Variants in ZNF562 observed in about 807,000 individuals in gnomAD.
ZNF562 encodes the protein zinc finger protein 562.
Under a neutral mutation model 17.5 loss-of-function variants are expected in ZNF562, and 13 were observed. That is an observed-to-expected ratio of 0.74 (90% CI 0.48 to 1.18). The LOEUF (loss-of-function observed/expected upper bound fraction) is 1.18, where lower values mean the gene tolerates loss of function less well. ZNF562 is among the 50% of genes most tolerant of loss of function. The probability of loss-of-function intolerance (pLI) is 0.00; values close to 1 mark genes in which losing one functional copy is unlikely to be tolerated. For synonymous variants in ZNF562, 163 were observed against 165.4 expected, an observed-to-expected ratio of 0.99 and a Z score of 0.11; for missense variants, 481 against 498.5, an observed-to-expected ratio of 0.96 and a Z score of 0.33.
rs984372456 is a variant in ZNF562, at chr19:9,651,036, G to A, written c.*1913C>T. 1 of 150,390 alleles carries A rather than the reference G, an allele frequency of 6.6e-6. No homozygotes were observed. The highest frequency in any genetic ancestry group is 2.5e-5 in the African/African-American group (1 of 40,688). The allele number at this position is 150,390 out of a possible 1,614,324, so 9.3% of individuals were successfully genotyped here. A position where few individuals can be genotyped will look rare whatever the true frequency, so the allele number is the denominator to read the frequency against. ...AATTAAATTAATTTCTAAGCCATTT[G>A]GTCTGCGGTATTCTCTTATGGTTGT... On this transcript the variant is annotated 3_prime_UTR_variant, in exon 6 of 6. Coordinates refer to ENST00000453372, the MANE Select transcript of ZNF562 (RefSeq NM_001130031.2).
At position 9,644,797 on chromosome 19, in the gene ZNF562, C is replaced by T. The variant is rs1011932427; in HGVS notation, c.*8152G>A. 1 of 152,216 alleles carries T rather than the reference C, an allele frequency of 6.6e-6. No individual in the cohort carries two copies. The highest frequency in any genetic ancestry group is 1.5e-5 in the Non-Finnish European group (1 of 68,054). 9.4% of individuals were successfully genotyped at this position (152,216 alleles called of 1,614,324 possible). A position where few individuals can be genotyped will look rare whatever the true frequency, so the allele number is the denominator to read the frequency against. On this transcript the variant is annotated 3_prime_UTR_variant, in exon 6 of 6. Transcript: ENST00000453372. ...CCCCCCATGATTCTATTACCTCCCA[C>T]CTGGTCTCTCCCTCGACACCATGGG...
chr19:9,672,270 TAG>T (rs2044223953), intron 1 of ZNF562, among the ~76,000 whole-genome samples: 1 of 152,208 alleles, frequency 6.6e-6, no homozygotes, highest in African/African-American at 2.4e-5. Flanking sequence ...TTACGGAAAG[TAG>T]ACATTAGATG....
chr19:9,653,959 T>C (rs2043364036), intron 5 of ZNF562, 78 bp from the exon 6 acceptor site: 1 of 1,397,634 alleles, frequency 7.2e-7, no homozygotes, highest in South Asian at 2.0e-5. Flanking sequence ...GAAACATTAT[T>C]TTGATGACAA....
chr19:9,653,459 C>A lies in ZNF562; in HGVS notation c.771G>T (p.Lys257Asn). ...LKQCVAVHTG[K>N]KSEKTKNCGK... The stretch of plus-strand genomic sequence containing the variant: ...CACAGTTCTTAGTCTTTTCGGATTT[C>A]TTTCCAGTATGAACTGCTACACACT... The change falls in exon 6 of 6, where the codon AAG becomes AAT. Residue 257 changes from lysine to asparagine, a missense_variant. Lys to Asn is a moderately conservative substitution (Grantham distance 94). Coordinates refer to ENST00000453372, the MANE Select transcript of ZNF562 (RefSeq NM_001130031.2). 1 of 1,614,196 alleles carries A rather than the reference C, an allele frequency of 6.2e-7. No individual in the cohort carries two copies. Among genetic ancestry groups the A allele is most frequent in the Non-Finnish European group, 8.5e-7 (1 of 1,180,032 alleles).
Position 9,645,050 on chromosome 19 carries a change from A to AT in ZNF562, c.*7898dup, listed in dbSNP as rs1211509395. On this transcript the variant is annotated 3_prime_UTR_variant, in exon 6 of 6. Coordinates refer to ENST00000453372, the MANE Select transcript of ZNF562 (RefSeq NM_001130031.2). ...CAGTCTCTCTGTGAACATTGACAGA[A>AT]TTTTTTTTTTTTTTTTGAGACAGAG... 6,293 of 142,942 alleles carry AT rather than the reference A, an allele frequency of 0.044. 239 individuals carry two copies. Among genetic ancestry groups the AT allele is most frequent in the African/African-American group, 0.11 (4,270 of 39,012 alleles). The allele number at this position is 142,942 out of a possible 1,614,324, so 8.9% of individuals were successfully genotyped here. A position where few individuals can be genotyped will look rare whatever the true frequency, so the allele number is the denominator to read the frequency against.
rs987077434 is a variant in ZNF562 at position 9,669,179 on chromosome 19, C to G, written c.-131+5836G>C. On this transcript the variant is annotated intron_variant, in intron 1 of 5. Coordinates refer to ENST00000453372, the MANE Select transcript of ZNF562 (RefSeq NM_001130031.2). ...ACAATCAACAAAGTGAAGAAACAAT[C>G]TACAGTATGGGAGAAAATATTTACA... 3.3e-5 allele frequency among the ~76,000 whole-genome samples: 5 copies of G among 152,056 alleles called. No individual in the cohort carries two copies. In the East Asian group the frequency reaches 9.6e-4, roughly 29 times the overall value.
rs755453800 is a variant in ZNF562, at chr19:9,652,755, T to A, written c.*194A>T. On this transcript the variant is annotated 3_prime_UTR_variant, in exon 6 of 6. Coordinates refer to ENST00000453372, the MANE Select transcript of ZNF562 (RefSeq NM_001130031.2). ...GCCAATAATTAAAGATGGCAACCAA[T>A]GGGCTAAATGGTAACAACACTCATA... 2.1e-6 allele frequency: 1 copy of A among 474,538 alleles called. No homozygotes were observed. Among genetic ancestry groups the A allele is most frequent in the Non-Finnish European group, 3.6e-6 (1 of 280,990 alleles). The allele number at this position is 474,538 out of a possible 1,614,324, so 29.4% of individuals were successfully genotyped here.
chr19:9,653,177 T>G lies in ZNF562; in HGVS notation c.1053A>C (p.Gln351His), dbSNP rs1473369552. The G allele has an allele frequency of 2.5e-6, 4 of 1,614,062 alleles. No homozygotes were observed. Among genetic ancestry groups the G allele is most frequent in the Non-Finnish European group, 3.4e-6 (4 of 1,179,952 alleles). ...IKPYECKECG[Q>H]AFTQYTGLAI... ...CAAGGCCCGTGTACTGAGTGAAGGC[T>G]TGGCCACATTCCTTACATTCATAGG... is the stretch of plus-strand genomic sequence containing the variant. The change falls in exon 6 of 6, where the codon CAA becomes CAC. Residue 351 changes from glutamine to histidine, a missense_variant. Around this residue, in one of 2 missense-constraint regions of ZNF562, gnomAD observed 78 missense variants for 112.0 expected, o/e 0.70. Transcript: ENST00000453372.
rs1473934614 is a variant in ZNF562, at chr19:9,650,403, C to T, written c.*2546G>A. The stretch of plus-strand genomic sequence containing the variant: ...GTATATATATGTATATATATATACA[C>T]ATACACACACACACACACACACACA... On this transcript the variant is annotated 3_prime_UTR_variant, in exon 6 of 6. Transcript: ENST00000453372. 1 of 135,228 alleles carries T rather than the reference C, an allele frequency of 7.4e-6. No individual in the cohort carries two copies. The highest frequency in any genetic ancestry group is 3.0e-5 in the African/African-American group (1 of 32,964). The allele number at this position is 135,228 out of a possible 1,614,324, so 8.4% of individuals were successfully genotyped here.
chr19:9,673,860 A>G lies in ZNF562; in HGVS notation c.-131+1155T>C, dbSNP rs557553251. On this transcript the variant is annotated intron_variant, in intron 1 of 5. Transcript: ENST00000453372. The stretch of plus-strand genomic sequence containing the variant: ...ATCTCTACCAAAAATATAAAAAATT[A>G]GCCAGGTGTGGTGGTGCACGCCTGG... 6.6e-5 allele frequency among the ~76,000 whole-genome samples: 10 copies of G among 152,246 alleles called. 1 individual carries two copies. The highest frequency in any genetic ancestry group is 2.6e-4 in the Admixed American group (4 of 15,284).
chr19:9,645,042 T>C lies in ZNF562; in HGVS notation c.*7907A>G, dbSNP rs1298493195. 1 of 151,930 alleles carries C rather than the reference T, an allele frequency of 6.6e-6. No individual in the cohort carries two copies. The highest frequency in any genetic ancestry group is 1.5e-5 in the Non-Finnish European group (1 of 68,076). The allele number at this position is 151,930 out of a possible 1,614,324, so 9.4% of individuals were successfully genotyped here. ...GAGATGCCCAGTCTCTCTGTGAACATTGACAGAATTTTTTTTTTTTTTTTG... is the reference window on the plus strand; with the variant it reads ...GAGATGCCCAGTCTCTCTGTGAACACTGACAGAATTTTTTTTTTTTTTTTG... On this transcript the variant is annotated 3_prime_UTR_variant, in exon 6 of 6. Coordinates refer to ENST00000453372, the MANE Select transcript of ZNF562 (RefSeq NM_001130031.2).
In ZNF562 at chr19:9,649,470, C is replaced by T. The variant is rs2074838672; in HGVS notation, c.*3479G>A. Reference sequence around the variant, plus strand: ...TTTCACAAGCAAATGGGAGAAATATCACTGAATTCTTTTTCTCAGCAAGGA... The same window carrying T: ...TTTCACAAGCAAATGGGAGAAATATTACTGAATTCTTTTTCTCAGCAAGGA... On this transcript the variant is annotated 3_prime_UTR_variant, in exon 6 of 6. Coordinates refer to ENST00000453372, the MANE Select transcript of ZNF562 (RefSeq NM_001130031.2). The T allele has an allele frequency of 1.3e-5, 2 of 152,186 alleles. No individual in the cohort carries two copies. The highest frequency in any genetic ancestry group is 4.8e-5 in the African/African-American group (2 of 41,446). The allele number at this position is 152,186 out of a possible 1,614,324, so 9.4% of individuals were successfully genotyped here. A position where few individuals can be genotyped will look rare whatever the true frequency, so the allele number is the denominator to read the frequency against.
In ZNF562 at chr19:9,653,875, T is replaced by C; in HGVS notation, c.355A>G (p.Arg119Gly). The part of the protein sequence containing the change: ...QIFTGIQMQT[R>G]SYSGWKLCEN... Reference sequence around the variant, plus strand: ...CAGAGTTTCCATCCACTGTAGCTTCTTGTCTGCTGATGAGGGGATAAAGGA... The same window carrying C: ...CAGAGTTTCCATCCACTGTAGCTTCCTGTCTGCTGATGAGGGGATAAAGGA... Residue 119 changes from arginine (R) to glycine (G), a missense_variant, in exon 6 of 6, where the codon AGA becomes GGA. Physicochemically the swap from Arg to Gly is moderately radical, Grantham distance 125 (BLOSUM62 -2). This residue lies in a region of ZNF562 where 403 missense variants were observed against 386.4 expected (regional missense o/e 1.04). Transcript: ENST00000453372. The C allele has an allele frequency of 6.4e-7, 1 of 1,567,720 alleles. No individual in the cohort carries two copies. Among genetic ancestry groups the C allele is most frequent in the Middle Eastern group, 1.7e-4 (1 of 5,828 alleles).
intron 1 of ZNF562, among the ~76,000 whole-genome samples, chr19:9,669,040 G>C (rs1473855146): frequency 6.6e-6 from 1 of 152,062 alleles, no homozygotes; most frequent in Admixed American, 6.6e-5. Flanking sequence ...AAACAATCCA[G>C]GGCATTGGTC....
rs869261585 is a variant in ZNF562, at chr19:9,672,777, C to CTTTT, written c.-131+2234_-131+2237dup. 6.5e-4 allele frequency among the ~76,000 whole-genome samples: 73 copies of CTTTT among 112,140 alleles called. 1 individual carries two copies. Among genetic ancestry groups the CTTTT allele is most frequent in the African/African-American group, 1.4e-3 (41 of 28,784 alleles). 73.6% of individuals were successfully genotyped at this position (112,140 alleles called of 152,430 possible). On this transcript the variant is annotated intron_variant, in intron 1 of 5. Transcript: ENST00000453372. ...AGAATAGTTGAGTATTATTGCCTTT[C>CTTTT]TTTTTTTTTTTTTTTTTTTTTTAGA...
At position 9,653,334 on chromosome 19, in the gene ZNF562, T is replaced by G. The variant is rs773714675; in HGVS notation, c.896A>C (p.Asn299Thr). The G allele has an allele frequency of 3.1e-6, 5 of 1,614,064 alleles. No homozygotes were observed. Among genetic ancestry groups the G allele is most frequent in the Non-Finnish European group, 4.2e-6 (5 of 1,179,960 alleles). Residue 299 changes from asparagine to threonine, a missense_variant, in exon 6 of 6, where the codon AAT (asparagine) becomes ACT (threonine). By Grantham distance (65) the Asn-to-Thr change is moderately conservative (BLOSUM62 0). Coordinates refer to ENST00000453372, the MANE Select transcript of ZNF562 (RefSeq NM_001130031.2). Reference protein sequence around the residue: ...ECKECGRSFRNSSSFNVHIQI... With the variant: ...ECKECGRSFRTSSSFNVHIQI... ...AATGTGAACATTAAAGGATGAGGAA[T>G]TTCTAAAGGATCTTCCACATTCTTT...
chr19:9,670,869 A>G (rs1433219653), intron 1 of ZNF562, among the ~76,000 whole-genome samples: 1 of 151,838 alleles, frequency 6.6e-6, no homozygotes, highest in Non-Finnish European at 1.5e-5. Context: ...GTGGTGGTGC[A>G]CCCCTTAATC....
rs2074916451 is a variant in ZNF562, at chr19:9,653,702, G to A, written c.528C>T (p.Ser176=). Residue 176 remains serine (S), a synonymous_variant, in exon 6 of 6, where the codon TCC becomes TCT. Transcript: ENST00000453372. The part of the protein sequence containing the change: ...HKEASIGQEL[S]KFNPCGKVFT... Reference sequence around the variant, plus strand: ...AGACTTTTCCACATGGATTAAATTTGGAAAGTTCTTGTCCAATAGAGGCTT... The same window carrying A: ...AGACTTTTCCACATGGATTAAATTTAGAAAGTTCTTGTCCAATAGAGGCTT... 1 of 1,613,948 alleles carries A rather than the reference G, an allele frequency of 6.2e-7. No homozygotes were observed. The highest frequency in any genetic ancestry group is 1.1e-5 in the South Asian group (1 of 91,078).
intron 1 of ZNF562, among the ~76,000 whole-genome samples, chr19:9,668,306 G>A (rs1212418707): frequency 1.3e-5 from 2 of 152,028 alleles, no homozygotes; most frequent in Non-Finnish European, 2.9e-5. Flanking sequence ...GAGCCCAGGA[G>A]TTCAAGGCTG....
Sources: allele counts gnomAD v4.1 joint callset (sites outside exome capture counted in the v4.1 genomes callset), GRCh38; gene constraint gnomAD v4.1.1; regional missense constraint gnomAD v4.1.1; transcripts MANE v1.5; gene names NCBI Gene and HGNC (gene_info 2026-07-23, HGNC 2026-07-21).